Variants in ELMOD1 observed in about 807,000 individuals in gnomAD.
The protein encoded by ELMOD1 is ELMO domain-containing protein 1.
In ELMOD1, 21 loss-of-function variants were observed where a neutral mutation model predicts 46.7. The observed-to-expected ratio is 0.45, with a 90% CI of 0.32 to 0.65. The LOEUF (loss-of-function observed/expected upper bound fraction) is 0.65. Ranked by LOEUF, ELMOD1 falls within the 30% of genes least tolerant of loss-of-function variation. The pLI is 0.04. For missense variants in ELMOD1, 348 were observed against 407.8 expected (o/e 0.85, Z 1.26); for synonymous variants, 122 against 138.2 (o/e 0.88, Z 0.82).
intron 11 of ELMOD1, among the ~76,000 whole-genome samples, chr11:107,664,716 G>C (rs1866810756): frequency 6.6e-6 from 1 of 151,290 alleles, no homozygotes; most frequent in Non-Finnish European, 1.5e-5. Context: ...GTCACTGTCA[G>C]CCTTTCAGAA....
At chr11:107,640,962 T>C (rs952503574) in intron 6 of ELMOD1, among the ~76,000 whole-genome samples, 2 of 152,190 alleles carry the variant, frequency 1.3e-5, no homozygotes, top group Non-Finnish European at 2.9e-5. Context: ...AGAGGGGATA[T>C]AACATAAATA....
intron 11 of ELMOD1, 27 bp from the exon 12 acceptor site, chr11:107,664,998 T>G: frequency 6.3e-7 from 1 of 1,587,054 alleles, no homozygotes; most frequent in Non-Finnish European, 8.6e-7. Flanking sequence ...TTCTCCTGCA[T>G]TCTTATCATT....
intron 2 of ELMOD1, 82 bp from the exon 3 acceptor site, chr11:107,630,335 G>A (rs1037852529): frequency 7.6e-7 from 1 of 1,308,700 alleles, no homozygotes; most frequent in Admixed American, 2.8e-5. Flanking sequence ...TTTCTCCTGG[G>A]CTTCTTTTCT....
intron 6 of ELMOD1, among the ~76,000 whole-genome samples, chr11:107,637,868 AAATACTGT>A (rs1191946445): frequency 1.3e-5 from 2 of 152,092 alleles, no homozygotes; most frequent in African/African-American, 4.8e-5. Flanking sequence ...ACATCATCTA[AAATACTGT>A]TGGAGGGATT....
At chr11:107,593,246 T>C (rs1414791460) in intron 1 of ELMOD1, 2 of 152,432 alleles carry the variant, frequency 1.3e-5, no homozygotes, top group African/African-American at 2.4e-5. Context: ...ATTTCTCTTT[T>C]TGCATTCTGC....
At position 107,657,150 on chromosome 11, in the gene ELMOD1, C is replaced by T. The variant is rs982273530; in HGVS notation, c.832+1084C>T. 2.6e-4 allele frequency among the ~76,000 whole-genome samples: 40 copies of T among 151,932 alleles called. 1 individual carries two copies. Among genetic ancestry groups the T allele is most frequent in the African/African-American group, 9.7e-4 (40 of 41,342 alleles). ...TTTAATGATACTGGAAAGAGATGAC[C>T]CCGAAAACTTCCAAAGCTGTCACAA... On this transcript the variant is annotated intron_variant, in intron 11 of 11. Transcript: ENST00000265840.
At chr11:107,594,651 G>A (rs1865462359) in intron 1 of ELMOD1, among the ~76,000 whole-genome samples, 1 of 152,148 alleles carries the variant, frequency 6.6e-6, no homozygotes, top group Non-Finnish European at 1.5e-5. Context: ...TTATATAAAA[G>A]TAGATAATTA....
At chr11:107,656,104 T>C (rs1866626792) in intron 11 of ELMOD1, 38 bp downstream of exon 11, 6 of 1,547,688 alleles carry the variant, frequency 3.9e-6, no homozygotes, top group South Asian at 1.2e-5. Context: ...TATAGGTTTC[T>C]ACGCTGGGCA....
At chr11:107,662,811 G>A (rs1039901936) in intron 11 of ELMOD1, among the ~76,000 whole-genome samples, 2 of 151,824 alleles carry the variant, frequency 1.3e-5, no homozygotes, top group Non-Finnish European at 2.9e-5. Context: ...CGAATTGCTT[G>A]AACCTGGGAG....
chr11:107,630,382 T>C, intron 2 of ELMOD1, 35 bp from the exon 3 acceptor site: 1 of 1,552,148 alleles, frequency 6.4e-7, no homozygotes. Context: ...CTTCCAGAGT[T>C]CTATTGGAAG....
At chr11:107,627,376 G>A (rs1230880513) in intron 2 of ELMOD1, among the ~76,000 whole-genome samples, 1 of 152,208 alleles carries the variant, frequency 6.6e-6, no homozygotes, top group Non-Finnish European at 1.5e-5. Context: ...ACAGAGTGGT[G>A]AACCCTAAGA....
At chr11:107,600,454 T>C (rs889115277) in intron 1 of ELMOD1, 8 of 152,244 alleles carry the variant, frequency 5.3e-5, no homozygotes. Flanking sequence ...ATCACAGTTC[T>C]GCAACAATAT....
intron 11 of ELMOD1, among the ~76,000 whole-genome samples, chr11:107,658,590 A>T (rs1443540513): frequency 6.6e-6 from 1 of 152,206 alleles, no homozygotes; most frequent in Non-Finnish European, 1.5e-5. Context: ...AAAAAAATAA[A>T]ATGTAGTGGG....
Position 107,635,823 on chromosome 11 carries a change from C to T in ELMOD1, c.420+58C>T, listed in dbSNP as rs7101759. 2.7e-3 allele frequency: 4,140 copies of T among 1,551,720 alleles called. 108 individuals carry two copies. In the African/African-American group the frequency reaches 0.05, roughly 19 times the overall value. ...TAAGTCAGCTGACATTTGCCAGGCA[C>T]CTGCTATGTGCTAGGCGCTGCTCTG... On this transcript the variant is annotated intron_variant, in intron 6 of 11. Transcript: ENST00000265840.
At chr11:107,643,623 T>C in intron 6 of ELMOD1, 1 of 531,874 alleles carries the variant, frequency 1.9e-6, no homozygotes, top group South Asian at 1.4e-5. Flanking sequence ...CGGCATTCAG[T>C]CTGAAGTTTG....
chr11:107,647,542 A>G lies in ELMOD1; in HGVS notation c.495A>G (p.Gln165=). The G allele has an allele frequency of 6.2e-7, 1 of 1,613,726 alleles. No individual in the cohort carries two copies. The highest frequency in any genetic ancestry group is 1.3e-5 in the African/African-American group (1 of 75,010). ...AGCAGTGGTGTGAAATTGGTTTCCA[A>G]GGTGATGATCCTAAAACAGACTTTC... ...ISKQWCEIGF[Q]GDDPKTDFRG... Residue 165 remains glutamine, a synonymous_variant, in exon 7 of 12, where the codon CAA becomes CAG. Transcript: ENST00000265840.
chr11:107,624,840 A>G (rs760446421), intron 2 of ELMOD1, among the ~76,000 whole-genome samples: 2 of 152,172 alleles, frequency 1.3e-5, no homozygotes, highest in Non-Finnish European at 2.9e-5. Flanking sequence ...ATATTATAAA[A>G]AGAGTGCCCT....
At chr11:107,614,102 C>G (rs1476404787) in intron 1 of ELMOD1, among the ~76,000 whole-genome samples, 1 of 152,190 alleles carries the variant, frequency 6.6e-6, no homozygotes, top group African/African-American at 2.4e-5. Context: ...ATGTTCAACT[C>G]CCCCTTTTCC....
At chr11:107,605,007 T>G (rs1174979124) in intron 1 of ELMOD1, among the ~76,000 whole-genome samples, 2 of 152,210 alleles carry the variant, frequency 1.3e-5, no homozygotes, top group African/African-American at 4.8e-5. Flanking sequence ...ATTGGCAAAA[T>G]TATGTCCATT....
Sources: gnomAD v4.1 joint callset for allele counts (sites outside exome capture counted in the v4.1 genomes callset) on GRCh38, gnomAD v4.1.1 for gene constraint, MANE v1.5 for transcripts, NCBI Gene and HGNC (gene_info 2026-07-23, HGNC 2026-07-21) for gene names.